SDK2: variants seen among roughly 807,000 people sequenced by gnomAD.
SDK2 encodes the protein sidekick cell adhesion molecule 2, also known as protein sidekick-2.
In SDK2, 105 loss-of-function variants were observed where a neutral mutation model predicts 253.9. The ratio of observed to expected loss-of-function variants is 0.41; its 90% CI spans 0.35 to 0.49. SDK2 has a LOEUF of 0.49. Among genes scored for constraint, SDK2 ranks in the 20% least tolerant of loss-of-function variants. SDK2 has a pLI of 0.06. For missense variants in SDK2, 2,608 were observed against 3,003.0 expected, an observed-to-expected ratio of 0.87 and a Z score of 3.07; for synonymous variants, 1,249 against 1,234.9, an observed-to-expected ratio of 1.01 and a Z score of -0.24.
rs572004014 is a variant in SDK2, at chr17:73,452,094, T to G, written c.479+3812A>C. 3.3e-5 allele frequency among the ~76,000 whole-genome samples: 5 copies of G among 152,258 alleles called. No homozygotes were observed. The South Asian group carries it at 1.0e-3, about 32-fold the overall frequency. ...GCTCCCTGCAGCCCCCATTGATAAT[T>G]TAATTATGCATGAAATAAATTATCC... On this transcript the variant is annotated intron_variant, in intron 4 of 44. Coordinates refer to ENST00000392650, the MANE Select transcript of SDK2 (RefSeq NM_001144952.2).
At chr17:73,468,793 G>C (rs547822313) in intron 3 of SDK2, among the ~76,000 whole-genome samples, 10 of 148,828 alleles carry the variant, frequency 6.7e-5, no homozygotes, top group African/African-American at 2.5e-4. Flanking sequence ...TCAAAGTGCT[G>C]GGATTACAGG....
At chr17:73,390,017 G>A (rs558253959) in intron 29 of SDK2, among the ~76,000 whole-genome samples, 119 of 152,302 alleles carry the variant, frequency 7.8e-4, no homozygotes, top group African/African-American at 2.6e-3. Context: ...CCAAAGTGCT[G>A]GGATTACAGG....
chr17:73,604,839 G>A (rs1022994919), intron 1 of SDK2, among the ~76,000 whole-genome samples: 3 of 152,206 alleles, frequency 2.0e-5, no homozygotes, highest in African/African-American at 4.8e-5. Context: ...TGCAGCAGGC[G>A]TGGTGGGCGA....
chr17:73,507,365 C>T (rs570365378), intron 2 of SDK2, 73 bp downstream of exon 2: 10 of 1,454,170 alleles, frequency 6.9e-6, no homozygotes, highest in Non-Finnish European at 9.2e-6. Flanking sequence ...CAAACCCCCT[C>T]CTCACCATGC....
chr17:73,508,456 A>G (rs9897755), intron 1 of SDK2, among the ~76,000 whole-genome samples: 92,641 of 152,094 alleles, frequency 0.61, 28,575 homozygotes, highest in Non-Finnish European at 0.66. Context: ...GAACAATGGG[A>G]GAGACGGAGG....
At chr17:73,418,383 A>C (rs1274627256) in intron 16 of SDK2, among the ~76,000 whole-genome samples, 1 of 152,178 alleles carries the variant, frequency 6.6e-6, no homozygotes, top group African/African-American at 2.4e-5. Flanking sequence ...GAGAGACTTG[A>C]TAATTTGCAT....
chr17:73,348,344 C>T (rs922430211), intron 44 of SDK2, among the ~76,000 whole-genome samples: 5 of 152,314 alleles, frequency 3.3e-5, no homozygotes, highest in Admixed American at 6.5e-5. Context: ...GACCCCTGAA[C>T]GTAGAGAGGG....
intron 3 of SDK2, among the ~76,000 whole-genome samples, chr17:73,462,397 T>C (rs2063569959): frequency 6.6e-6 from 1 of 152,114 alleles, no homozygotes; most frequent in Non-Finnish European, 1.5e-5. Context: ...TATGAATATA[T>C]TTATGGTGGA....
intron 1 of SDK2, among the ~76,000 whole-genome samples, chr17:73,539,613 G>T (rs2044833105): frequency 6.6e-6 from 1 of 152,206 alleles, no homozygotes; most frequent in African/African-American, 2.4e-5. Context: ...TTGCTTGGGT[G>T]GCAGCAAGAG....
intron 16 of SDK2, among the ~76,000 whole-genome samples, chr17:73,418,624 T>C (rs968182627): frequency 6.6e-6 from 1 of 152,240 alleles, no homozygotes; most frequent in Non-Finnish European, 1.5e-5. Flanking sequence ...AGATAACTTA[T>C]GAATTTGAAC....
chr17:73,537,292 G>C (rs947025312), intron 1 of SDK2, among the ~76,000 whole-genome samples: 2 of 152,154 alleles, frequency 1.3e-5, no homozygotes, highest in East Asian at 3.8e-4. Context: ...GTCTGTTAAC[G>C]AGGGAGATAA....
chr17:73,483,683 T>TA (rs1491378286), intron 2 of SDK2, among the ~76,000 whole-genome samples: 1 of 41,580 alleles, frequency 2.4e-5, no homozygotes, highest in Non-Finnish European at 4.4e-5. Flanking sequence ...ATATATATAT[T>TA]TATATATATA....
Position 73,472,212 on chromosome 17 carries a change from C to T in SDK2, c.231G>A (p.Met77Ile). 1 of 1,551,380 alleles carries T rather than the reference C, an allele frequency of 6.4e-7. No homozygotes were observed. The highest frequency in any genetic ancestry group is 8.7e-7 in the Non-Finnish European group (1 of 1,146,728). Residue 77 changes from methionine (M) to isoleucine (I), a missense_variant, in exon 3 of 45, where the codon ATG becomes ATA. By Grantham distance (10) the Met-to-Ile change is conservative. Transcript: ENST00000392650. ...LTKFSLEYRY[M>I]ITSLDRTHAG... ...CGTGGGTGCGGTCCAGGCTGGTGAT[C>T]ATGTATCTATGGGACAGACGAGACA...
intron 1 of SDK2, among the ~76,000 whole-genome samples, chr17:73,578,402 G>T (rs1389076751): frequency 6.6e-6 from 1 of 152,094 alleles, no homozygotes; most frequent in African/African-American, 2.4e-5. Context: ...GCTCATTTTG[G>T]ACCTCTGACC....
rs1042892084 is a variant in SDK2, at chr17:73,467,723, C to T, written c.331+4389G>A. On this transcript the variant is annotated intron_variant, in intron 3 of 44. Transcript: ENST00000392650. The surrounding 1 kb of genome is among the most constrained non-coding windows in gnomAD (Gnocchi z 4.1). ...CAGGAACTGCGTTCTTCTCAAGGGT[C>T]GGAAGGACTTCCTAGGGCTTTTCTA... Among the ~76,000 whole-genome samples, 24 of 152,232 alleles carry T rather than the reference C, an allele frequency of 1.6e-4. No homozygotes were observed. Among genetic ancestry groups the T allele is most frequent in the African/African-American group, 2.4e-4 (10 of 41,540 alleles).
chr17:73,555,419 T>C (rs1029724305), intron 1 of SDK2, among the ~76,000 whole-genome samples: 2 of 152,196 alleles, frequency 1.3e-5, no homozygotes, highest in African/African-American at 4.8e-5. Context: ...AGCGGTGCAC[T>C]GGACCTTGGA....
At chr17:73,509,473 C>G (rs2063961025) in intron 1 of SDK2, among the ~76,000 whole-genome samples, 1 of 152,052 alleles carries the variant, frequency 6.6e-6, no homozygotes, top group African/African-American at 2.4e-5. Flanking sequence ...AAACACCAGA[C>G]AGCCTTCTTT....
chr17:73,622,766 G>A (rs2046149255), intron 1 of SDK2, among the ~76,000 whole-genome samples: 1 of 152,248 alleles, frequency 6.6e-6, no homozygotes, highest in African/African-American at 2.4e-5. Context: ...TGGCCCAAGA[G>A]CAATGCTCAG....
intron 1 of SDK2, among the ~76,000 whole-genome samples, chr17:73,585,082 A>G (rs756306480): frequency 5.3e-5 from 8 of 152,164 alleles, no homozygotes; most frequent in Non-Finnish European, 1.0e-4. Context: ...AGCACACACA[A>G]CAGTGCCCAG....
Sources: gnomAD v4.1 joint callset for allele counts (sites outside exome capture counted in the v4.1 genomes callset) on GRCh38, gnomAD v4.1.1 for gene constraint, Gnocchi (gnomAD v3.1) non-coding constraint, MANE v1.5 for transcripts, NCBI Gene and HGNC (gene_info 2026-07-23, HGNC 2026-07-21) for gene names.